Variants in HMX1 observed in about 807,000 individuals in gnomAD.
The protein encoded by HMX1 is homeobox protein HMX1.
HMX1 carries 8 observed loss-of-function variants against 8.9 expected under a neutral mutation model. The ratio of observed to expected loss-of-function variants is 0.90; its 90% CI spans 0.53 to 1.63. The LOEUF (loss-of-function observed/expected upper bound fraction) is 1.63. Ranked by LOEUF, HMX1 falls within the 40% of genes most tolerant of loss-of-function variation. The pLI is 0.00. For synonymous variants in HMX1, 311 were observed against 283.4 expected (o/e 1.10, Z -0.98); for missense variants, 621 against 558.5 (o/e 1.11, Z -1.13).
At chr4:8,864,372 C>G (rs1721924718), downstream of HMX1, among the ~76,000 whole-genome samples, 1 of 152,118 alleles carries the variant, frequency 6.6e-6, no homozygotes, top group Non-Finnish European at 1.5e-5. Flanking sequence ...AAGCCCTGAG[C>G]AGCTCAGGGT....
chr4:8,857,335 G>A (rs1721639308), intron 1 of HMX1, among the ~76,000 whole-genome samples: 1 of 152,170 alleles, frequency 6.6e-6, no homozygotes, highest in Non-Finnish European at 1.5e-5. Flanking sequence ...GGCGGCGGCG[G>A]CCTTCCCCTG....
In HMX1 at chr4:8,853,058, C is replaced by T. The variant is rs1721502563; in HGVS notation, c.395-6734G>A. On this transcript the variant is annotated intron_variant, in intron 1 of 1. Coordinates refer to the HMX1 transcript ENST00000506970. The surrounding 1 kb of genome is among the most constrained non-coding windows in gnomAD (Gnocchi z 4.7). ...CACTAGCCCTGGGCTGCCCACCTCC[C>T]ACTGTGGTCAGTGCCCTGTCAGCAG... is the stretch of plus-strand genomic sequence containing the variant. 6.6e-6 allele frequency among the ~76,000 whole-genome samples: 1 copy of T among 152,134 alleles called. No homozygotes were observed. The highest frequency in any genetic ancestry group is 6.5e-5 in the Admixed American group (1 of 15,284).
intron 1 of HMX1, among the ~76,000 whole-genome samples, chr4:8,861,057 G>C (rs559161755): frequency 1.5e-3 from 225 of 152,148 alleles, no homozygotes; most frequent in Non-Finnish European, 2.6e-3. Flanking sequence ...GGCGGCCGGA[G>C]ACGGTGAAGA....
downstream of HMX1, among the ~76,000 whole-genome samples, chr4:8,863,114 G>C (rs1721883407): frequency 6.6e-6 from 1 of 152,216 alleles, no homozygotes; most frequent in Non-Finnish European, 1.5e-5. Context: ...CAGAAGGGCA[G>C]GGTGGCCGAA....
At chr4:8,854,411 G>A (rs1029673203) in intron 1 of HMX1, among the ~76,000 whole-genome samples, 2 of 152,260 alleles carry the variant, frequency 1.3e-5, no homozygotes, top group African/African-American at 4.8e-5. Flanking sequence ...TCACTGCTGG[G>A]ACACTCCTGT....
At chr4:8,869,723 CA>C (rs199928676) in intron 1 of HMX1, among the ~76,000 whole-genome samples, 11,654 of 152,102 alleles carry the variant, frequency 0.077, 1,328 homozygotes, top group African/African-American at 0.25. Context: ...CCCAATACCC[CA>C]AACTCACAGA....
rs1053891940 is a variant in HMX1, at chr4:8,867,097, A to T, written c.*596T>A. The T allele has an allele frequency of 4.1e-6, 4 of 985,288 alleles. No individual in the cohort carries two copies. Among genetic ancestry groups the T allele is most frequent in the Non-Finnish European group, 4.8e-6 (4 of 829,892 alleles). The allele number at this position is 985,288 out of a possible 1,614,324, so 61.0% of individuals were successfully genotyped here. ...CATACGCAAATAAGTAGATTCATTTAAAAAAACAACAACCCGGAGGCTGCG... is the reference window on the plus strand; with the variant it reads ...CATACGCAAATAAGTAGATTCATTTTAAAAAACAACAACCCGGAGGCTGCG... On this transcript the variant is annotated 3_prime_UTR_variant, in exon 2 of 2. Transcript: ENST00000400677.
Position 8,848,730 on chromosome 4 carries a change from C to T in HMX1, c.395-2406G>A, listed in dbSNP as rs1363784941. Among the ~76,000 whole-genome samples, 2 of 152,206 alleles carry T rather than the reference C, an allele frequency of 1.3e-5. No homozygotes were observed. Among genetic ancestry groups the T allele is most frequent in the African/African-American group, 4.8e-5 (2 of 41,444 alleles). ...CCACTAGAACCAAGCAAGATGCCAA[C>T]ATGCCTGACACCCAACCTGGGTCAG... On this transcript the variant is annotated intron_variant, in intron 1 of 1. Transcript: ENST00000506970. This position sits in a 1 kb window ranked among gnomAD's most constrained non-coding sequence, Gnocchi z 4.1.
At chr4:8,856,317 G>A (rs1721606698) in intron 1 of HMX1, among the ~76,000 whole-genome samples, 1 of 152,240 alleles carries the variant, frequency 6.6e-6, no homozygotes, top group Non-Finnish European at 1.5e-5. Flanking sequence ...GAGGCAGGTA[G>A]AAGCAGAAAG....
At position 8,848,905 on chromosome 4, in the gene HMX1, AAG is replaced by A. The variant is rs1476748389; in HGVS notation, c.395-2583_395-2582del. Among the ~76,000 whole-genome samples the A allele has an allele frequency of 1.3e-5, 2 of 152,108 alleles. No individual in the cohort carries two copies. The highest frequency in any genetic ancestry group is 2.4e-5 in the African/African-American group (1 of 41,426). ...CTCAAAGCCTCACCTTCCAACTACA[AAG>A]AGAAAAATGTTCCCTCTGTGAAAAG... On this transcript the variant is annotated intron_variant, in intron 1 of 1. Transcript: ENST00000506970. This position sits in a 1 kb window ranked among gnomAD's most constrained non-coding sequence, Gnocchi z 4.1.
At position 8,867,311 on chromosome 4, in the gene HMX1, T is replaced by C; in HGVS notation, c.*382A>G. 1.0e-6 allele frequency: 1 copy of C among 991,878 alleles called. No individual in the cohort carries two copies. Among genetic ancestry groups the C allele is most frequent in the Non-Finnish European group, 1.2e-6 (1 of 834,416 alleles). 61.4% of individuals were successfully genotyped at this position (991,878 alleles called of 1,614,324 possible). On this transcript the variant is annotated 3_prime_UTR_variant, in exon 2 of 2. Transcript: ENST00000400677. ...TGTGGGGACAGTCACCGCTCAGCCT[T>C]GGACAGCCGGTTCGTAGTTTTCCTT...
chr4:8,867,979 C>T lies in HMX1; in HGVS notation c.761G>A (p.Arg254His), dbSNP rs757272203. The T allele has an allele frequency of 2.6e-6, 4 of 1,530,480 alleles. No homozygotes were observed. The highest frequency in any genetic ancestry group is 3.5e-6 in the Non-Finnish European group (4 of 1,138,404). 94.8% of individuals were successfully genotyped at this position (1,530,480 alleles called of 1,614,324 possible). ...ETQVKIWFQN[R>H]RNKWKRQLAA... ...CAGCTGCCGCTTCCACTTGTTGCGGCGGTTCTGGAACCAGATCTTAACCTG... is the reference window on the plus strand; with the variant it reads ...CAGCTGCCGCTTCCACTTGTTGCGGTGGTTCTGGAACCAGATCTTAACCTG... The change falls in exon 2 of 2, where the codon CGC (arginine) becomes CAC (histidine). Residue 254 changes from arginine (R) to histidine (H), a missense_variant. Physicochemically the swap from Arg to His is conservative, Grantham distance 29. Coordinates refer to ENST00000400677, the MANE Select transcript of HMX1 (RefSeq NM_018942.3).
chr4:8,857,341 C>T (rs1461359856), intron 1 of HMX1, among the ~76,000 whole-genome samples: 1 of 152,170 alleles, frequency 6.6e-6, no homozygotes. Flanking sequence ...GGCGGCCTTC[C>T]CCTGGAGTGG....
In HMX1 at chr4:8,870,821, C is replaced by T. The variant is rs1001930610; in HGVS notation, c.394+400G>A. Among the ~76,000 whole-genome samples the T allele has an allele frequency of 3.2e-5, 4 of 126,090 alleles. No homozygotes were observed. Among genetic ancestry groups the T allele is most frequent in the Non-Finnish European group, 6.5e-5 (4 of 61,772 alleles). The allele number at this position is 126,090 out of a possible 152,430, so 82.7% of individuals were successfully genotyped here. On this transcript the variant is annotated intron_variant, in intron 1 of 1. Transcript: ENST00000400677. The surrounding 1 kb of genome is among the most constrained non-coding windows in gnomAD (Gnocchi z 4.4). Reference sequence around the variant, plus strand: ...CCCCTCCCCCCACCCCATTCTCTCTCCCGCAGCACATTCCTTTCTTCCTCC... The same window carrying T: ...CCCCTCCCCCCACCCCATTCTCTCTTCCGCAGCACATTCCTTTCTTCCTCC...
intron 1 of HMX1, among the ~76,000 whole-genome samples, chr4:8,858,286 G>C (rs908571447): frequency 4.6e-5 from 7 of 152,164 alleles, no homozygotes; most frequent in Non-Finnish European, 7.3e-5. Context: ...CGCGGGAGGG[G>C]GTGAGAAGCC....
chr4:8,859,698 C>T (rs1560174436), intron 1 of HMX1, among the ~76,000 whole-genome samples: 1 of 152,242 alleles, frequency 6.6e-6, no homozygotes, highest in African/African-American at 2.4e-5. Flanking sequence ...CTTCTCTACA[C>T]ACGTGCGTGG....
In HMX1 at chr4:8,871,383, C is replaced by T. The variant is rs1722214183; in HGVS notation, c.232G>A (p.Gly78Ser). 2 of 1,242,176 alleles carry T rather than the reference C, an allele frequency of 1.6e-6. No homozygotes were observed. The highest frequency in any genetic ancestry group is 3.6e-5 in the East Asian group (1 of 27,792). 76.9% of individuals were successfully genotyped at this position (1,242,176 alleles called of 1,614,324 possible). Residue 78 changes from glycine to serine, a missense_variant, in exon 1 of 2, where the codon GGC becomes AGC. Physicochemically the swap from Gly to Ser is moderately conservative, Grantham distance 56. Transcript: ENST00000400677. This position sits in a 1 kb window ranked among gnomAD's most constrained non-coding sequence, Gnocchi z 4.8. ...RRQLLAGTGP[G>S]GEARARALLG... ...AGCGCACGGGCCCGCGCCTCCCCGC[C>T]GGGCCCGGTGCCCGCGAGCAACTGT...
downstream of HMX1, among the ~76,000 whole-genome samples, chr4:8,865,657 G>A (rs1393390280): frequency 6.6e-6 from 1 of 152,198 alleles, no homozygotes; most frequent in East Asian, 1.9e-4. Flanking sequence ...AGTGGGGAGA[G>A]GGGTCAGAAG....
chr4:8,869,321 G>A (rs988422640), intron 1 of HMX1, among the ~76,000 whole-genome samples: 32 of 152,216 alleles, frequency 2.1e-4, no homozygotes, highest in African/African-American at 7.7e-4. Context: ...ATTGAAGAGG[G>A]CAGCAGCCTC....
Sources: allele counts gnomAD v4.1 joint callset (sites outside exome capture counted in the v4.1 genomes callset), GRCh38; gene constraint gnomAD v4.1.1; non-coding constraint Gnocchi (gnomAD v3.1); transcripts MANE v1.5; gene names NCBI Gene and HGNC (gene_info 2026-07-23, HGNC 2026-07-21).